The following MIA2 variants were observed in gnomAD, a reference collection of about 807,000 sequenced individuals.
The protein encoded by MIA2 is melanoma inhibitory activity protein 2.
A neutral mutation model predicts 167.8 loss-of-function variants in MIA2; 127 were observed. That is an observed-to-expected ratio of 0.76 (90% CI 0.66 to 0.88). The LOEUF (loss-of-function observed/expected upper bound fraction) is 0.88, where lower values mean the gene tolerates loss of function less well. Among genes scored for constraint, MIA2 ranks in the 40% least tolerant of loss-of-function variants. The pLI is 0.00. For synonymous variants in MIA2, 552 were observed against 541.9 expected (o/e 1.02, Z -0.26); for missense variants, 1,690 against 1,624.7 (o/e 1.04, Z -0.69).
chr14:39,244,115 C>A (rs184807016), intron 3 of MIA2, among the ~76,000 whole-genome samples: 4 of 152,198 alleles, frequency 2.6e-5, no homozygotes, highest in Non-Finnish European at 4.4e-5. Context: ...GGGGGTCTTA[C>A]GCCCTACAAT....
At chr14:39,325,734 G>A (rs2067405668) in intron 24 of MIA2, among the ~76,000 whole-genome samples, 1 of 148,162 alleles carries the variant, frequency 6.7e-6, no homozygotes, top group South Asian at 2.1e-4. Context: ...TTTTTTTTGA[G>A]ATGGAGTCTC....
rs554862922 is a variant in MIA2, at chr14:39,349,392, C to T, written c.4072+415C>T. On this transcript the variant is annotated intron_variant, in intron 28 of 28. Transcript: ENST00000640607. ...TTTCATAAGTAGTTCTGATGCAGTC[C>T]TACTTATTTAAAACTTAAAATGTAT... 4.6e-5 allele frequency among the ~76,000 whole-genome samples: 7 copies of T among 152,144 alleles called. No homozygotes were observed. In the South Asian group the frequency reaches 1.2e-3, roughly 27 times the overall value.
chr14:39,317,664 A>C (rs975079531), intron 21 of MIA2, among the ~76,000 whole-genome samples: 1 of 152,206 alleles, frequency 6.6e-6, no homozygotes, highest in Non-Finnish European at 1.5e-5. Flanking sequence ...TACTTGTTCA[A>C]TCTACTCAGT....
In MIA2 at chr14:39,253,140, C is replaced by G; in HGVS notation, c.1856C>G (p.Ala619Gly). Residue 619 changes from alanine to glycine, a missense_variant, in exon 6 of 29, where the codon GCA (alanine) becomes GGA (glycine). Ala to Gly is a moderately conservative substitution (Grantham distance 60, BLOSUM62 0). Transcript: ENST00000640607. The stretch of plus-strand genomic sequence containing the variant: ...GATGTTTATGATTTCATGAATTCTG[C>G]ATTTTCACCAATTGTAATTCTTACA... ...QIDVYDFMNS[A>G]FSPIVILTER... 6.2e-7 allele frequency: 1 copy of G among 1,607,942 alleles called. No homozygotes were observed. Among genetic ancestry groups the G allele is most frequent in the Non-Finnish European group, 8.5e-7 (1 of 1,176,286 alleles).
intron 23 of MIA2, among the ~76,000 whole-genome samples, chr14:39,360,110 T>C (rs759649983): frequency 6.6e-6 from 1 of 151,664 alleles, no homozygotes; most frequent in Non-Finnish European, 1.5e-5. Context: ...GAGACCAGCA[T>C]GGCCAATGTG....
intron 19 of MIA2, 106 bp downstream of exon 19, chr14:39,313,547 A>G (rs1179973583): frequency 7.9e-6 from 5 of 633,790 alleles, no homozygotes; most frequent in Admixed American, 3.5e-5. Context: ...ACATTTTAAA[A>G]TCTGACAGGT....
intron 18 of MIA2, among the ~76,000 whole-genome samples, chr14:39,311,462 GTTGCTTTTTTTTTTTT>G (rs2064230575): frequency 9.1e-6 from 1 of 110,066 alleles, no homozygotes; most frequent in Admixed American, 1.0e-4. Flanking sequence ...AGCTTGATGT[GTTGCTTTTTTTTTTTT>G]TTTTTTTTTT....
chr14:39,303,657 C>A, intron 16 of MIA2, 133 bp downstream of exon 16: 1 of 575,434 alleles, frequency 1.7e-6, no homozygotes, highest in South Asian at 2.6e-5. Context: ...TCAGAATTTT[C>A]ATCATCAATT....
rs34075444 is a variant in MIA2, at chr14:39,286,865, C to CTG, written c.2131-4122_2131-4121dup. On this transcript the variant is annotated intron_variant, in intron 9 of 28. Transcript: ENST00000640607. ...TGCACTACTGTGCCTGGCTATTTTTCTGTGTGTGTGTGTGTGTGTGTGTGT... is the reference window on the plus strand; with the variant it reads ...TGCACTACTGTGCCTGGCTATTTTTCTGTGTGTGTGTGTGTGTGTGTGTGTGT... 3.4e-3 allele frequency among the ~76,000 whole-genome samples: 485 copies of CTG among 142,162 alleles called. 7 individuals are homozygous for CTG. The highest frequency in any genetic ancestry group is 0.028 in the East Asian group (121 of 4,260). 93.3% of individuals were successfully genotyped at this position (142,162 alleles called of 152,430 possible).
chr14:39,377,429 A>G (rs1037518961), intron 23 of MIA2, among the ~76,000 whole-genome samples: 1 of 152,202 alleles, frequency 6.6e-6, no homozygotes, highest in African/African-American at 2.4e-5. Flanking sequence ...TAGTGATTTC[A>G]AATCAGGAAA....
downstream of MIA2, among the ~76,000 whole-genome samples, chr14:39,354,250 C>T (rs1015758939): frequency 6.6e-6 from 1 of 152,124 alleles, no homozygotes; most frequent in Non-Finnish European, 1.5e-5. Context: ...TTTTAATGAT[C>T]ACCATTCTAA....
At chr14:39,341,310 A>G (rs2071777519) in intron 25 of MIA2, among the ~76,000 whole-genome samples, 3 of 152,174 alleles carry the variant, frequency 2.0e-5, no homozygotes, top group South Asian at 4.1e-4. Flanking sequence ...TCAAAAATAA[A>G]TAAATAAATA....
At chr14:39,300,132 C>T in intron 14 of MIA2, 146 bp downstream of exon 14, 2 of 992,606 alleles carry the variant, frequency 2.0e-6, no homozygotes, top group Non-Finnish European at 2.9e-6. Context: ...TTCTTGAAGA[C>T]TTACAGATTT....
At chr14:39,332,170 C>T (rs1372683172) in intron 25 of MIA2, among the ~76,000 whole-genome samples, 1 of 152,132 alleles carries the variant, frequency 6.6e-6, no homozygotes, top group Non-Finnish European at 1.5e-5. Context: ...ATCTTGTCTT[C>T]ACGCTTTATT....
At chr14:39,340,526 C>T (rs896675845) in intron 25 of MIA2, among the ~76,000 whole-genome samples, 2 of 152,192 alleles carry the variant, frequency 1.3e-5, no homozygotes, top group Non-Finnish European at 2.9e-5. Context: ...GATTCATAGA[C>T]ATTTATGCTG....
chr14:39,240,201 C>G (rs17092065), intron 2 of MIA2, among the ~76,000 whole-genome samples: 16 of 151,970 alleles, frequency 1.1e-4, no homozygotes, highest in Non-Finnish European at 1.5e-4. Context: ...GCTTGGCTAC[C>G]GCCGCCATTG....
At chr14:39,314,289 G>A (rs1043248293) in intron 19 of MIA2, among the ~76,000 whole-genome samples, 2 of 151,734 alleles carry the variant, frequency 1.3e-5, no homozygotes, top group African/African-American at 4.8e-5. Context: ...CAGGAGACTG[G>A]TGCAGGAGAA....
chr14:39,356,290 A>G (rs2074523336), downstream of MIA2, among the ~76,000 whole-genome samples: 1 of 152,180 alleles, frequency 6.6e-6, no homozygotes. Flanking sequence ...GGGAGGCTGT[A>G]TGTATTGAGG....
intron 25 of MIA2, among the ~76,000 whole-genome samples, chr14:39,341,031 G>T (rs2071689211): frequency 2.0e-5 from 3 of 152,162 alleles, no homozygotes; most frequent in African/African-American, 7.2e-5. Flanking sequence ...GCTGGGCATG[G>T]TGGCTTACGC....
Sources: gnomAD v4.1 joint callset for allele counts (sites outside exome capture counted in the v4.1 genomes callset) on GRCh38, gnomAD v4.1.1 for gene constraint, MANE v1.5 for transcripts, NCBI Gene and HGNC (gene_info 2026-07-23, HGNC 2026-07-21) for gene names.